The following PAX3 variants were observed in gnomAD, a reference collection of about 807,000 sequenced individuals.
PAX3 encodes the protein paired box 3, also known as paired box protein Pax-3.
PAX3 carries 14 observed loss-of-function variants against 51.6 expected under a neutral mutation model. The observed-to-expected ratio is 0.27, with a 90% CI of 0.18 to 0.42. PAX3 has a LOEUF of 0.42. PAX3 is among the 10% of genes least tolerant of loss of function. The pLI, the probability that PAX3 is intolerant of heterozygous loss-of-function variation, is 1.00. For missense variants in PAX3, 540 were observed against 642.8 expected (o/e 0.84, Z 1.73); for synonymous variants, 280 against 253.4 (o/e 1.11, Z -1.00).
At chr2:222,227,434 A>G (rs186444309) in intron 5 of PAX3, among the ~76,000 whole-genome samples, 1 of 152,174 alleles carries the variant, frequency 6.6e-6, no homozygotes, top group East Asian at 1.9e-4. Flanking sequence ...CATCTCTACA[A>G]TACAAAAATT....
chr2:222,221,694 C>G, intron 5 of PAX3: 1 of 371,202 alleles, frequency 2.7e-6, no homozygotes, highest in Admixed American at 3.8e-5. Context: ...CCTCCCTACC[C>G]TCAACATCCA....
In PAX3 at chr2:222,274,791, A is replaced by G. The variant is rs376506447; in HGVS notation, c.586+19376T>C. ...CTCACCACCCCAAGCTTGGCAAAGC[A>G]TCATGAATGCCTGCCATTTTAAAAG... On this transcript the variant is annotated intron_variant, in intron 4 of 8. Transcript: ENST00000392070. Among the ~76,000 whole-genome samples the G allele has an allele frequency of 5.9e-5, 9 of 152,326 alleles. No homozygotes were observed. The South Asian group carries it at 1.7e-3, about 28-fold the overall frequency.
chr2:222,241,471 TAAAAC>T (rs1288456964), intron 4 of PAX3, among the ~76,000 whole-genome samples: 1 of 152,216 alleles, frequency 6.6e-6, no homozygotes, highest in Non-Finnish European at 1.5e-5. Flanking sequence ...ACTGAATACA[TAAAAC>T]AGTGCGTTGA....
At position 222,289,307 on chromosome 2, in the gene PAX3, C is replaced by T. The variant is rs150552754; in HGVS notation, c.586+4860G>A. Among the ~76,000 whole-genome samples the T allele has an allele frequency of 3.5e-4, 54 of 152,252 alleles. 1 individual carries two copies. In the East Asian group the frequency reaches 6.4e-3, roughly 18 times the overall value. On this transcript the variant is annotated intron_variant, in intron 4 of 8. Coordinates refer to ENST00000392070, the MANE Select transcript of PAX3 (RefSeq NM_181458.4). ...TTTTCATTGGCCATCTACTTATGTA[C>T]AACTTAAACATTTAGTCTCATAGGA...
At chr2:222,294,744 G>T (rs1423273460) in intron 3 of PAX3, among the ~76,000 whole-genome samples, 7 of 133,290 alleles carry the variant, frequency 5.3e-5, no homozygotes, top group Non-Finnish European at 1.1e-4. Flanking sequence ...AAGAACCAAA[G>T]CCGACTTGTC....
chr2:222,237,831 G>A lies in PAX3; in HGVS notation c.587-5548C>T, dbSNP rs1207607536. Among the ~76,000 whole-genome samples, 4 of 152,096 alleles carry A rather than the reference G, an allele frequency of 2.6e-5. No individual in the cohort carries two copies. In the East Asian group the frequency reaches 7.7e-4, roughly 29 times the overall value. On this transcript the variant is annotated intron_variant, in intron 4 of 8. Coordinates refer to ENST00000392070, the MANE Select transcript of PAX3 (RefSeq NM_181458.4). Reference sequence around the variant, plus strand: ...TTTGGTATTTTGTATTACAATGAATGTAATAAAAATATAACAAGAGCTAAA... The same window carrying A: ...TTTGGTATTTTGTATTACAATGAATATAATAAAAATATAACAAGAGCTAAA...
intron 4 of PAX3, among the ~76,000 whole-genome samples, chr2:222,255,479 A>C (rs1013285239): frequency 4.6e-5 from 7 of 152,204 alleles, no homozygotes; most frequent in Admixed American, 6.5e-5. Flanking sequence ...AAATCACTTA[A>C]AGTGGTCCCA....
rs760509769 is a variant in PAX3 at position 222,201,211 on chromosome 2, T to A, written c.*197A>T. 1.9e-6 allele frequency: 3 copies of A among 1,614,010 alleles called. No individual in the cohort carries two copies. Among genetic ancestry groups the A allele is most frequent in the Non-Finnish European group, 2.5e-6 (3 of 1,180,022 alleles). On this transcript the variant is annotated 3_prime_UTR_variant, in exon 9 of 9. Coordinates refer to ENST00000392070, the MANE Select transcript of PAX3 (RefSeq NM_181458.4). Reference sequence around the variant, plus strand: ...GTCTTCCTCTTCTCCACTGCTTTTGTCGAACGTGTTCAAAAGGATTTGAAA... The same window carrying A: ...GTCTTCCTCTTCTCCACTGCTTTTGACGAACGTGTTCAAAAGGATTTGAAA...
At chr2:222,248,425 A>G (rs1191188175) in intron 4 of PAX3, among the ~76,000 whole-genome samples, 1 of 152,208 alleles carries the variant, frequency 6.6e-6, no homozygotes, top group Non-Finnish European at 1.5e-5. Flanking sequence ...AGTTTCACAA[A>G]GCATTCACTG....
intron 7 of PAX3, chr2:222,214,718 C>T (rs1691883631): frequency 6.6e-6 from 1 of 152,032 alleles, no homozygotes; most frequent in South Asian, 2.1e-4. Flanking sequence ...AAGCCCAGTA[C>T]ACAAATCTTT....
Position 222,201,982 on chromosome 2 carries a change from T to C in PAX3, c.1382A>G (p.Asp461Gly). 2 of 1,614,050 alleles carry C rather than the reference T, an allele frequency of 1.2e-6. No homozygotes were observed. The highest frequency in any genetic ancestry group is 1.7e-6 in the Non-Finnish European group (2 of 1,180,006). Residue 461 changes from aspartate to glycine, a missense_variant, in exon 8 of 9, where the codon GAC becomes GGC. Physicochemically the swap from Asp to Gly is moderately conservative, Grantham distance 94. This residue lies in a region of PAX3 where 427 missense variants were observed against 483.6 expected (regional missense o/e 0.88). Coordinates refer to ENST00000392070, the MANE Select transcript of PAX3 (RefSeq NM_181458.4). Reference sequence around the variant, plus strand: ...CCCATATTGGTAGCCTGTGACAGGGTCCATACTGTAGCCTGTGGTGCTATA... The same window carrying C: ...CCCATATTGGTAGCCTGTGACAGGGCCCATACTGTAGCCTGTGGTGCTATA... Reference protein sequence around the residue: ...PTYSTTGYSMDPVTGYQYGQY... With the variant: ...PTYSTTGYSMGPVTGYQYGQY...
chr2:222,219,766 C>A (rs781186646), intron 7 of PAX3, among the ~76,000 whole-genome samples: 5 of 152,040 alleles, frequency 3.3e-5, no homozygotes, highest in African/African-American at 7.2e-5. Flanking sequence ...TTGATTGAAA[C>A]CTTATCAATT....
chr2:222,269,209 TTC>T (rs1418975241), intron 4 of PAX3, among the ~76,000 whole-genome samples: 1 of 152,202 alleles, frequency 6.6e-6, no homozygotes, highest in Non-Finnish European at 1.5e-5. Flanking sequence ...AGCCCCTTTT[TTC>T]TCTTTGACCT....
chr2:222,227,973 GT>G (rs1443936557), intron 5 of PAX3, among the ~76,000 whole-genome samples: 1 of 152,150 alleles, frequency 6.6e-6, no homozygotes. Flanking sequence ...ATGATTTGGG[GT>G]TTGGGGGGTG....
chr2:222,214,953 A>T (rs1401245799), intron 7 of PAX3: 1 of 152,136 alleles, frequency 6.6e-6, no homozygotes, highest in Non-Finnish European at 1.5e-5. Flanking sequence ...TCACTCATAA[A>T]CCAGAAACTA....
intron 5 of PAX3, among the ~76,000 whole-genome samples, chr2:222,222,407 CTT>C (rs140699845): frequency 1.2e-4 from 17 of 140,740 alleles, no homozygotes; most frequent in Admixed American, 2.9e-4. Flanking sequence ...TTCATTGAAA[CTT>C]TTTTTTTTTT....
chr2:222,211,835 G>A (rs1041678576), intron 7 of PAX3, among the ~76,000 whole-genome samples: 9 of 152,124 alleles, frequency 5.9e-5, no homozygotes, highest in Non-Finnish European at 7.3e-5. Flanking sequence ...ATGTGCACTC[G>A]TACACTGAAA....
At chr2:222,277,405 A>G (rs998557837) in intron 4 of PAX3, among the ~76,000 whole-genome samples, 1 of 152,118 alleles carries the variant, frequency 6.6e-6, no homozygotes, top group Admixed American at 6.5e-5. Context: ...TCCTTGCTGA[A>G]CCCACCTTTT....
chr2:222,237,626 T>G (rs1449567370), intron 4 of PAX3, among the ~76,000 whole-genome samples: 1 of 152,152 alleles, frequency 6.6e-6, no homozygotes, highest in Non-Finnish European at 1.5e-5. Context: ...CACTAAGAAA[T>G]AAATCAACTT....
Sources: gnomAD v4.1 joint callset for allele counts (sites outside exome capture counted in the v4.1 genomes callset) on GRCh38, gnomAD v4.1.1 for gene constraint, gnomAD v4.1.1 regional missense constraint, MANE v1.5 for transcripts, NCBI Gene and HGNC (gene_info 2026-07-23, HGNC 2026-07-21) for gene names.